The following NAE1 variants were observed in gnomAD, a reference collection of about 807,000 sequenced individuals.
The protein encoded by NAE1 is NEDD8-activating enzyme E1 regulatory subunit.
Under a neutral mutation model 88.0 loss-of-function variants are expected in NAE1, and 59 were observed. The observed-to-expected ratio is 0.67, with a 90% CI of 0.54 to 0.83. The LOEUF (loss-of-function observed/expected upper bound fraction) is 0.83. NAE1 is among the 40% of genes least tolerant of loss of function. NAE1 has a pLI of 0.00. For missense variants in NAE1, 554 were observed against 632.8 expected (o/e 0.88, Z 1.34); for synonymous variants, 186 against 208.9 (o/e 0.89, Z 0.95).
At chr16:66,807,611 G>A (rs1959617459) in intron 17 of NAE1, among the ~76,000 whole-genome samples, 1 of 151,290 alleles carries the variant, frequency 6.6e-6, no homozygotes, top group Admixed American at 6.6e-5. Context: ...CTGCACTCCA[G>A]CCTGGGCGAC....
chr16:66,812,822 G>A (rs113543344), intron 13 of NAE1, among the ~76,000 whole-genome samples: 8,039 of 135,918 alleles, frequency 0.059, 273 homozygotes, highest in African/African-American at 0.096. Context: ...CCCGGCCTAA[G>A]TTCTTTTTTT....
At chr16:66,825,922 T>C (rs1426214038) in intron 3 of NAE1, among the ~76,000 whole-genome samples, 1 of 152,200 alleles carries the variant, frequency 6.6e-6, no homozygotes, top group Non-Finnish European at 1.5e-5. Context: ...TGGCAGAAAC[T>C]GGCACTACGA....
rs1424999769 is a variant in NAE1 at position 66,808,513 on chromosome 16, A to G, written c.1330+8T>C. 1 of 1,512,364 alleles carries G rather than the reference A, an allele frequency of 6.6e-7. No individual in the cohort carries two copies. Among genetic ancestry groups the G allele is most frequent in the Non-Finnish European group, 9.1e-7 (1 of 1,096,162 alleles). 93.7% of individuals were successfully genotyped at this position (1,512,364 alleles called of 1,614,324 possible). Reference sequence around the variant, plus strand: ...TATTATATCTGGTAATTCAATTGCTATTCTTACCTGGATATCTACCCTGTT... The same window carrying G: ...TATTATATCTGGTAATTCAATTGCTGTTCTTACCTGGATATCTACCCTGTT... On this transcript the variant is annotated splice_region_variant and intron_variant, in intron 17 of 19. Transcript: ENST00000290810.
At position 66,818,563 on chromosome 16, in the gene NAE1, A is replaced by AAAGGGG; in HGVS notation, c.585_586insCCCCTT (p.His195_Phe196insProLeu). On this transcript the variant is annotated inframe_insertion, in exon 8 of 20. Coordinates refer to ENST00000290810, the MANE Select transcript of NAE1 (RefSeq NM_003905.4). ...ATATGATCCAAATCATAGGACTGAA[A>AAAGGGG]ATGTTCTCTCAGTTCAGGAAATGGC... The AAAGGGG allele has an allele frequency of 3.7e-6, 6 of 1,613,270 alleles. No homozygotes were observed. The highest frequency in any genetic ancestry group is 5.1e-6 in the Non-Finnish European group (6 of 1,179,660).
intron 4 of NAE1, 87 bp downstream of exon 4, chr16:66,824,768 C>G: frequency 8.3e-7 from 1 of 1,207,798 alleles, no homozygotes; most frequent in Non-Finnish European, 1.2e-6. Context: ...AAATAATACA[C>G]GTTTTTAAAG....
chr16:66,829,585 CAGA>C (rs1960610028), intron 1 of NAE1, among the ~76,000 whole-genome samples: 1 of 152,210 alleles, frequency 6.6e-6, no homozygotes, highest in Non-Finnish European at 1.5e-5. Flanking sequence ...GTGGCGCAAA[CAGA>C]AGCTCCAGTC....
intron 17 of NAE1, among the ~76,000 whole-genome samples, chr16:66,807,597 G>A (rs1284217055): frequency 2.0e-5 from 3 of 151,264 alleles, no homozygotes; most frequent in East Asian, 3.9e-4. Context: ...CTGAGATCAC[G>A]CCACTGCACT....
intron 5 of NAE1, 82 bp from the exon 6 acceptor site, chr16:66,823,388 AT>A: frequency 7.4e-7 from 1 of 1,348,632 alleles, no homozygotes; most frequent in Non-Finnish European, 1.0e-6. Context: ...CAGTTAAGCT[AT>A]TTTACAACAA....
intron 3 of NAE1, among the ~76,000 whole-genome samples, chr16:66,825,769 G>A (rs1385129873): frequency 6.6e-6 from 1 of 152,104 alleles, no homozygotes; most frequent in Non-Finnish European, 1.5e-5. Flanking sequence ...CTGCTGATCA[G>A]AGTCAGGATG....
At chr16:66,823,643 G>C in intron 4 of NAE1, 43 bp from the exon 5 acceptor site, 1 of 1,518,450 alleles carries the variant, frequency 6.6e-7, no homozygotes, top group Non-Finnish European at 9.0e-7. Context: ...GAAAAAACTT[G>C]GTCACAATAT....
chr16:66,826,619 G>A, intron 2 of NAE1, 36 bp from the exon 3 acceptor site: 2 of 1,613,792 alleles, frequency 1.2e-6, no homozygotes, highest in South Asian at 1.1e-5. Flanking sequence ...GGAATACATA[G>A]TTCTAGGTCA....
chr16:66,828,126 T>C (rs539903265), intron 1 of NAE1: 11 of 1,418,838 alleles, frequency 7.8e-6, no homozygotes, highest in East Asian at 2.3e-5. Context: ...CATCAAAGTA[T>C]GGCACGTAGA....
At position 66,810,360 on chromosome 16, in the gene NAE1, T is replaced by C. The variant is rs765245129; in HGVS notation, c.1150+14A>G. On this transcript the variant is annotated intron_variant, in intron 15 of 19. Coordinates refer to ENST00000290810, the MANE Select transcript of NAE1 (RefSeq NM_003905.4). ...TATCAAGCAAAATAAGGAAATTAAT[T>C]CAAGGGGACTTACAGAGTAATTTTA... 3.2e-6 allele frequency: 5 copies of C among 1,579,582 alleles called. No homozygotes were observed. The highest frequency in any genetic ancestry group is 3.5e-6 in the Non-Finnish European group (4 of 1,150,938).
At chr16:66,821,650 A>G in intron 6 of NAE1, 91 bp from the exon 7 acceptor site, 1 of 1,081,668 alleles carries the variant, frequency 9.2e-7, no homozygotes, top group Admixed American at 3.2e-5. Flanking sequence ...GTCTTACAGC[A>G]ACTTTCTTAC....
chr16:66,819,507 T>G (rs1445695406), intron 7 of NAE1, among the ~76,000 whole-genome samples: 1 of 152,236 alleles, frequency 6.6e-6, no homozygotes, highest in Non-Finnish European at 1.5e-5. Context: ...TGCCTCAGCA[T>G]CATCTATAAA....
At chr16:66,815,504 A>C (rs1960006310) in intron 11 of NAE1, among the ~76,000 whole-genome samples, 1 of 151,916 alleles carries the variant, frequency 6.6e-6, no homozygotes, top group African/African-American at 2.4e-5. Context: ...CTACAGGTGC[A>C]TGCCACCACA....
chr16:66,815,037 T>C (rs936340310), intron 11 of NAE1, among the ~76,000 whole-genome samples: 31 of 152,190 alleles, frequency 2.0e-4, no homozygotes, highest in Non-Finnish European at 3.4e-4. Flanking sequence ...TCTGCTTAAA[T>C]GTCTTTTGGA....
intron 13 of NAE1, chr16:66,812,991 T>A (rs1959880369): frequency 6.6e-6 from 1 of 151,906 alleles, no homozygotes; most frequent in African/African-American, 2.4e-5. Context: ...CCCGGCTAAT[T>A]TTTTTGTATT....
chr16:66,802,967 C>T lies in NAE1; in HGVS notation c.*42G>A. ...CTAAAGCACAACCCGAAGGCAATTA[C>T]AGTTTCAATCATTAACACACTACTT... On this transcript the variant is annotated 3_prime_UTR_variant, in exon 20 of 20. Transcript: ENST00000290810. The T allele has an allele frequency of 1.6e-6, 2 of 1,228,726 alleles. No homozygotes were observed. The highest frequency in any genetic ancestry group is 2.4e-6 in the Non-Finnish European group (2 of 831,466). 76.1% of individuals were successfully genotyped at this position (1,228,726 alleles called of 1,614,324 possible).
Sources: gnomAD v4.1 joint callset for allele counts (sites outside exome capture counted in the v4.1 genomes callset) on GRCh38, gnomAD v4.1.1 for gene constraint, MANE v1.5 for transcripts, NCBI Gene and HGNC (gene_info 2026-07-23, HGNC 2026-07-21) for gene names.